Variants in FOXP1 observed in about 807,000 individuals in gnomAD.
FOXP1 encodes forkhead box protein P1.
A neutral mutation model predicts 98.2 loss-of-function variants in FOXP1; 15 were observed. That is an observed-to-expected ratio of 0.15 (90% CI 0.10 to 0.24). The LOEUF (loss-of-function observed/expected upper bound fraction) is 0.24. Ranked by LOEUF, FOXP1 falls within the 10% of genes least tolerant of loss-of-function variation. The pLI is 1.00. For synonymous variants in FOXP1, 371 were observed against 314.5 expected (o/e 1.18, Z -1.90); for missense variants, 633 against 848.5 (o/e 0.75, Z 3.15).
chr3:71,015,531 A>C lies in FOXP1; in HGVS notation c.974+18T>G. On this transcript the variant is annotated intron_variant, in intron 12 of 20. Transcript: ENST00000649528. The stretch of plus-strand genomic sequence containing the variant: ...GTTGGCTATGTAAAAGAAGAAAACA[A>C]AATAAAATCATTCTTACTTTAGAAA... 1 of 1,568,460 alleles carries C rather than the reference A, an allele frequency of 6.4e-7. No homozygotes were observed. Among genetic ancestry groups the C allele is most frequent in the South Asian group, 1.1e-5 (1 of 90,196 alleles).
At chr3:71,435,082 T>C (rs1297238439) in intron 3 of FOXP1, among the ~76,000 whole-genome samples, 13 of 150,184 alleles carry the variant, frequency 8.7e-5, no homozygotes, top group African/African-American at 3.2e-4. Context: ...TGTCATTCTT[T>C]TTCTCATAAG....
intron 5 of FOXP1, among the ~76,000 whole-genome samples, chr3:71,210,293 A>G (rs2064353281): frequency 6.6e-6 from 1 of 152,186 alleles, no homozygotes; most frequent in Non-Finnish European, 1.5e-5. Context: ...CTAAAGTCAC[A>G]AAGTAACTAG....
chr3:71,433,935 T>G (rs2084968638), intron 3 of FOXP1, among the ~76,000 whole-genome samples: 2 of 152,228 alleles, frequency 1.3e-5, no homozygotes, highest in Admixed American at 1.3e-4. Flanking sequence ...AAGCCCACGT[T>G]ACAGCTTCCT....
chr3:71,192,230 C>G (rs2063027498), intron 6 of FOXP1, among the ~76,000 whole-genome samples: 1 of 152,150 alleles, frequency 6.6e-6, no homozygotes, highest in Non-Finnish European at 1.5e-5. Context: ...CATAAGCCAC[C>G]TTTTTCAAAG....
intron 3 of FOXP1, among the ~76,000 whole-genome samples, chr3:71,442,623 AC>A (rs2086048042): frequency 6.6e-6 from 1 of 152,172 alleles, no homozygotes; most frequent in Non-Finnish European, 1.5e-5. Context: ...TAATAATGCC[AC>A]AGAGAAGCTT....
intron 3 of FOXP1, among the ~76,000 whole-genome samples, chr3:71,442,672 G>A (rs913480085): frequency 1.4e-4 from 21 of 151,844 alleles, no homozygotes; most frequent in African/African-American, 4.8e-4. Context: ...TTTTGTTTTT[G>A]TTTTTTTGAC....
intron 3 of FOXP1, among the ~76,000 whole-genome samples, chr3:71,381,153 C>CT (rs375670056): frequency 0.05 from 6,994 of 139,598 alleles, 558 homozygotes; most frequent in African/African-American, 0.17. Flanking sequence ...GAGGTTCTCT[C>CT]TTTTTTTTTT....
At chr3:71,547,130 A>T (rs556962353) in intron 2 of FOXP1, among the ~76,000 whole-genome samples, 3 of 152,366 alleles carry the variant, frequency 2.0e-5, no homozygotes, top group African/African-American at 7.2e-5. Context: ...GGGGAATTCA[A>T]TCTATCTGAG....
At chr3:71,254,357 C>G (rs1241046215) in intron 5 of FOXP1, among the ~76,000 whole-genome samples, 1 of 152,094 alleles carries the variant, frequency 6.6e-6, no homozygotes, top group African/African-American at 2.4e-5. Flanking sequence ...AATAAATAAC[C>G]TATTAAGAGT....
At chr3:71,315,102 A>G (rs1396575767) in intron 4 of FOXP1, among the ~76,000 whole-genome samples, 1 of 132,000 alleles carries the variant, frequency 7.6e-6, no homozygotes, top group African/African-American at 2.6e-5. Flanking sequence ...AAAAAAAAAA[A>G]AAAAAGAAAG....
chr3:71,259,194 G>A (rs1419362712), intron 5 of FOXP1, among the ~76,000 whole-genome samples: 1 of 152,150 alleles, frequency 6.6e-6, no homozygotes, highest in Non-Finnish European at 1.5e-5. Flanking sequence ...TGCCCCATGG[G>A]CATGAGTGGG....
chr3:71,400,264 T>C (rs970938251), intron 3 of FOXP1, among the ~76,000 whole-genome samples: 1 of 152,210 alleles, frequency 6.6e-6, no homozygotes, highest in Non-Finnish European at 1.5e-5. Context: ...TGAAACCAAT[T>C]ATTTCAAATT....
chr3:71,235,559 G>C (rs1475064390), intron 5 of FOXP1, among the ~76,000 whole-genome samples: 1 of 152,024 alleles, frequency 6.6e-6, no homozygotes, highest in Non-Finnish European at 1.5e-5. Context: ...TACATTCATA[G>C]AATGTTTCTC....
intron 3 of FOXP1, among the ~76,000 whole-genome samples, chr3:71,370,349 T>C (rs1255460955): frequency 6.6e-6 from 1 of 152,168 alleles, no homozygotes; most frequent in Non-Finnish European, 1.5e-5. Context: ...AGGAGTGAGT[T>C]ATTCACACTG....
chr3:71,108,573 C>G (rs1181989329), intron 7 of FOXP1, among the ~76,000 whole-genome samples: 1 of 152,198 alleles, frequency 6.6e-6, no homozygotes, highest in African/African-American at 2.4e-5. Flanking sequence ...CAAGACCAGC[C>G]TGGTCAACAT....
At chr3:71,583,498 T>C in intron 1 of FOXP1, 73 bp downstream of exon 1, 1 of 983,340 alleles carries the variant, frequency 1.0e-6, no homozygotes, top group Non-Finnish European at 1.2e-6. Flanking sequence ...GTTGTTGTTG[T>C]TTAAAGTGGC....
At chr3:71,454,046 C>CTATACAAATA (rs528490343) in intron 3 of FOXP1, among the ~76,000 whole-genome samples, 172 of 152,314 alleles carry the variant, frequency 1.1e-3, no homozygotes, top group African/African-American at 3.9e-3. Flanking sequence ...AATATTTATA[C>CTATACAAATA]TTTAGCAGGA....
intron 5 of FOXP1, among the ~76,000 whole-genome samples, chr3:71,277,461 G>A (rs959983299): frequency 2.6e-5 from 4 of 151,544 alleles, no homozygotes; most frequent in Non-Finnish European, 5.9e-5. Flanking sequence ...TTCATGCATC[G>A]CTGGACAGTT....
chr3:71,536,916 C>G (rs142088092), intron 2 of FOXP1, among the ~76,000 whole-genome samples: 1 of 152,084 alleles, frequency 6.6e-6, no homozygotes, highest in Non-Finnish European at 1.5e-5. Context: ...GCAGCGATGA[C>G]GGCCACGCAG....
Sources: allele counts gnomAD v4.1 joint callset (sites outside exome capture counted in the v4.1 genomes callset), GRCh38; gene constraint gnomAD v4.1.1; transcripts MANE v1.5; gene names NCBI Gene and HGNC (gene_info 2026-07-23, HGNC 2026-07-21).